Variants in MEI4 observed in about 807,000 individuals in gnomAD.
The protein encoded by MEI4 is meiotic double-stranded break formation protein 4.
In MEI4, 27 loss-of-function variants were observed where a neutral mutation model predicts 31.4. The ratio of observed to expected loss-of-function variants is 0.86; its 90% CI spans 0.63 to 1.19. The LOEUF is 1.19. Among genes scored for constraint, MEI4 ranks in the 50% most tolerant of loss-of-function variants. The pLI, the probability that MEI4 is intolerant of heterozygous loss-of-function variation, is 0.00. For missense variants in MEI4, 329 were observed against 398.9 expected, an observed-to-expected ratio of 0.82 and a Z score of 1.49; for synonymous variants, 122 against 145.4, an observed-to-expected ratio of 0.84 and a Z score of 1.16.
At chr6:77,705,775 A>G (rs1766317184) in intron 2 of MEI4, among the ~76,000 whole-genome samples, 1 of 152,222 alleles carries the variant, frequency 6.6e-6, no homozygotes, top group Non-Finnish European at 1.5e-5. Flanking sequence ...TCCTGTTACA[A>G]AAACACTGTT....
At chr6:77,868,963 T>C (rs1185602107) in intron 4 of MEI4, among the ~76,000 whole-genome samples, 1 of 152,062 alleles carries the variant, frequency 6.6e-6, no homozygotes, top group East Asian at 1.9e-4. Flanking sequence ...TGAGATCTGC[T>C]CCTTTGTCTT....
At chr6:77,681,370 G>C (rs879346394) in intron 1 of MEI4, among the ~76,000 whole-genome samples, 7 of 152,280 alleles carry the variant, frequency 4.6e-5, no homozygotes, top group Non-Finnish European at 5.9e-5. Flanking sequence ...TCTTTGTGAT[G>C]AGGATTATAT....
At chr6:77,704,817 TAGTAAATTCAAAACATCCAAGTGC>T (rs1472731123) in intron 2 of MEI4, among the ~76,000 whole-genome samples, 1 of 152,062 alleles carries the variant, frequency 6.6e-6, no homozygotes, top group Non-Finnish European at 1.5e-5. Context: ...CACCCAAGTG[TAGTAAATTCAAAACATCCAAGTGC>T]AGTAAATTAA....
chr6:77,920,401 CAT>C (rs1766676311), intron 4 of MEI4, among the ~76,000 whole-genome samples: 1 of 151,996 alleles, frequency 6.6e-6, no homozygotes, highest in African/African-American at 2.4e-5. Context: ...ACAAAAACCA[CAT>C]GATTATCTCA....
intron 2 of MEI4, among the ~76,000 whole-genome samples, chr6:77,699,394 G>A (rs13191299): frequency 0.28 from 42,321 of 150,986 alleles, 6,652 homozygotes; most frequent in South Asian, 0.39. Context: ...GGGTTTCACC[G>A]TTTTAGCCGG....
intron 2 of MEI4, among the ~76,000 whole-genome samples, chr6:77,752,932 C>T (rs75396979): frequency 0.094 from 14,363 of 152,166 alleles, 811 homozygotes; most frequent in South Asian, 0.17. Context: ...GAACGGAGTC[C>T]TCAGAAATAA....
chr6:77,780,829 G>A (rs1768577091), intron 3 of MEI4, among the ~76,000 whole-genome samples: 1 of 151,988 alleles, frequency 6.6e-6, no homozygotes, highest in Non-Finnish European at 1.5e-5. Context: ...TGTTAAAAGT[G>A]TATGTCAGGA....
chr6:77,923,660 A>G lies in MEI4; in HGVS notation c.*314A>G. 1 of 173,890 alleles carries G rather than the reference A, an allele frequency of 5.8e-6. No homozygotes were observed. The highest frequency in any genetic ancestry group is 1.2e-5 in the Non-Finnish European group (1 of 82,978). 10.8% of individuals were successfully genotyped at this position (173,890 alleles called of 1,614,324 possible). On this transcript the variant is annotated 3_prime_UTR_variant, in exon 5 of 5. Coordinates refer to ENST00000684080, the MANE Select transcript of MEI4 (RefSeq NM_001322247.2). ...ATTAATTGTCTGTCCCTTAAAAGAT[A>G]TTGAAGTTGTAAAAGATTTCCATAT...
Position 77,825,650 on chromosome 6 carries a change from A to G in MEI4, c.769-3281A>G, listed in dbSNP as rs187357610. Among the ~76,000 whole-genome samples the G allele has an allele frequency of 6.8e-4, 103 of 152,300 alleles. 3 individuals carry two copies. The East Asian group carries it at 0.019, about 28-fold the overall frequency. ...GGTAGCAAATGTTTTAAATATCTAT[A>G]ATTCTGATTCTTGTTTTCAACAGGT... On this transcript the variant is annotated intron_variant, in intron 3 of 4. Coordinates refer to ENST00000684080, the MANE Select transcript of MEI4 (RefSeq NM_001322247.2).
At chr6:77,745,945 A>G (rs1349147759) in intron 2 of MEI4, among the ~76,000 whole-genome samples, 1 of 152,212 alleles carries the variant, frequency 6.6e-6, no homozygotes, top group African/African-American at 2.4e-5. Flanking sequence ...ACAACATACC[A>G]GAATCTCTGG....
chr6:77,858,880 G>T (rs1770799754), intron 4 of MEI4, among the ~76,000 whole-genome samples: 2 of 144,376 alleles, frequency 1.4e-5, no homozygotes, highest in Admixed American at 7.1e-5. Flanking sequence ...AAATAATTTT[G>T]TAAGGAAAGG....
At chr6:77,711,085 G>C (rs539850804) in intron 2 of MEI4, among the ~76,000 whole-genome samples, 1 of 149,928 alleles carries the variant, frequency 6.7e-6, no homozygotes, top group African/African-American at 2.4e-5. Context: ...TCTTTCAGGA[G>C]CTGACAGTTG....
chr6:77,761,816 A>C (rs984115849), intron 3 of MEI4, among the ~76,000 whole-genome samples, 151 bp downstream of exon 3: 2 of 152,126 alleles, frequency 1.3e-5, no homozygotes, highest in East Asian at 3.9e-4. Context: ...CTTATCTGTC[A>C]TGATGTCTCC....
chr6:77,732,732 T>G (rs1767046500), intron 2 of MEI4, among the ~76,000 whole-genome samples: 1 of 152,104 alleles, frequency 6.6e-6, no homozygotes, highest in Non-Finnish European at 1.5e-5. Context: ...GCTTCCAGTT[T>G]TTGCCCATTC....
At chr6:77,772,972 A>G in intron 3 of MEI4, among the ~76,000 whole-genome samples, 1 of 138,186 alleles carries the variant, frequency 7.2e-6, no homozygotes, top group South Asian at 2.2e-4. Context: ...ATAATAAAAG[A>G]CCTATGAATA....
intron 3 of MEI4, among the ~76,000 whole-genome samples, chr6:77,798,970 T>C (rs1158672879): frequency 1.3e-5 from 2 of 152,086 alleles, no homozygotes; most frequent in African/African-American, 2.4e-5. Context: ...CATGTGTCTT[T>C]ATAGCAGCAT....
intron 4 of MEI4, among the ~76,000 whole-genome samples, chr6:77,850,194 A>G (rs1770582020): frequency 6.6e-6 from 1 of 152,208 alleles, no homozygotes; most frequent in Admixed American, 6.5e-5. Flanking sequence ...GAATATCGTG[A>G]AAATGGCCAT....
At position 77,742,332 on chromosome 6, in the gene MEI4, A is replaced by G. The variant is rs554619028; in HGVS notation, c.233-18798A>G. On this transcript the variant is annotated intron_variant, in intron 2 of 4. Transcript: ENST00000684080. Reference sequence around the variant, plus strand: ...GCCATTCTAACTGGTGTGAGATGGTATCTCATTGTGGTTTTGATTTGCATT... The same window carrying G: ...GCCATTCTAACTGGTGTGAGATGGTGTCTCATTGTGGTTTTGATTTGCATT... Among the ~76,000 whole-genome samples, 672 of 151,792 alleles carry G rather than the reference A, an allele frequency of 4.4e-3. 3 individuals carry two copies. The highest frequency in any genetic ancestry group is 0.014 in the African/African-American group (560 of 41,290).
At chr6:77,891,326 T>A (rs536586532) in intron 4 of MEI4, among the ~76,000 whole-genome samples, 22 of 152,302 alleles carry the variant, frequency 1.4e-4, no homozygotes, top group Admixed American at 1.0e-3. Flanking sequence ...GCTTTCTTCA[T>A]TCTTTTTCTT....
Sources: gnomAD v4.1 joint callset for allele counts (sites outside exome capture counted in the v4.1 genomes callset) on GRCh38, gnomAD v4.1.1 for gene constraint, MANE v1.5 for transcripts, NCBI Gene and HGNC (gene_info 2026-07-23, HGNC 2026-07-21) for gene names.